DENND2B: variants seen among roughly 807,000 people sequenced by gnomAD.
DENND2B encodes the protein DENN domain containing 2B.
A neutral mutation model predicts 116.0 loss-of-function variants in DENND2B; 32 were observed. The ratio of observed to expected loss-of-function variants is 0.28; its 90% confidence interval spans 0.21 to 0.37. The LOEUF (loss-of-function observed/expected upper bound fraction) is 0.37. Ranked by LOEUF, DENND2B falls within the 10% of genes least tolerant of loss-of-function variation. DENND2B has a pLI of 1.00. For synonymous variants in DENND2B, 588 were observed against 583.9 expected (o/e 1.01, Z -0.10); for missense variants, 1,276 against 1,477.7 (o/e 0.86, Z 2.24).
chr11:8,808,552 C>G (rs543944161), intron 1 of DENND2B: 1 of 152,306 alleles, frequency 6.6e-6, no homozygotes, highest in South Asian at 2.1e-4. Context: ...GAAGTCTTTT[C>G]AGATTTTTCT....
intron 14 of DENND2B, among the ~76,000 whole-genome samples, chr11:8,700,584 G>A (rs1005190303): frequency 6.6e-6 from 1 of 152,130 alleles, no homozygotes; most frequent in African/African-American, 2.4e-5. Flanking sequence ...ACTTATTGGA[G>A]GACAAACCAG....
intron 1 of DENND2B, among the ~76,000 whole-genome samples, chr11:8,779,026 T>C (rs1283051429): frequency 6.6e-6 from 1 of 152,216 alleles, no homozygotes; most frequent in African/African-American, 2.4e-5. Context: ...CCACTTTGTT[T>C]TAGCTGAGAG....
intron 1 of DENND2B, among the ~76,000 whole-genome samples, chr11:8,804,129 A>G (rs1478585424): frequency 6.6e-6 from 1 of 152,234 alleles, no homozygotes. Flanking sequence ...CCTCAGACTC[A>G]GGACTTCTGG....
In DENND2B at chr11:8,715,613, C is replaced by T. The variant is rs768777009; in HGVS notation, c.1835G>A (p.Arg612His). The change falls in exon 6 of 20, where the codon CGC becomes CAC. Residue 612 changes from arginine to histidine, a missense_variant. Arg to His is a conservative substitution (Grantham distance 29). Coordinates refer to ENST00000313726, the MANE Select transcript of DENND2B (RefSeq NM_213618.2). The stretch of plus-strand genomic sequence containing the variant: ...CTCTGGGGAGGGTACCTTGGGAATG[C>T]GGCGGGCCCGGCGGCTGGACAGCAG... ...SELLSSRRAR[R>H]IPKLVQRINS... The T allele has an allele frequency of 1.9e-5, 31 of 1,609,628 alleles. No individual in the cohort carries two copies. The East Asian group carries it at 2.7e-4, about 14-fold the overall frequency.
rs1594044299 is a variant in DENND2B, at chr11:8,810,620, G to A, written c.-129C>T. The A allele has an allele frequency of 6.6e-6, 1 of 152,272 alleles. No homozygotes were observed. The highest frequency in any genetic ancestry group is 2.4e-5 in the African/African-American group (1 of 41,454). The allele number at this position is 152,272 out of a possible 1,614,324, so 9.4% of individuals were successfully genotyped here. ...TGGCTTAAGCTCCGATACCTGCTGCGAGCTTCCCACAGCTCCTTCCTCTGA... is the reference window on the plus strand; with the variant it reads ...TGGCTTAAGCTCCGATACCTGCTGCAAGCTTCCCACAGCTCCTTCCTCTGA... On this transcript the variant is annotated 5_prime_UTR_variant, in exon 1 of 20. Coordinates refer to ENST00000313726, the MANE Select transcript of DENND2B (RefSeq NM_213618.2).
At chr11:8,759,066 C>G (rs2054116587) in intron 1 of DENND2B, among the ~76,000 whole-genome samples, 1 of 152,176 alleles carries the variant, frequency 6.6e-6, no homozygotes, top group African/African-American at 2.4e-5. Context: ...ATCCTGAGTG[C>G]CCTTTCTCCC....
chr11:8,711,752 A>G (rs1056991499), intron 9 of DENND2B, among the ~76,000 whole-genome samples: 3 of 152,186 alleles, frequency 2.0e-5, no homozygotes, highest in Non-Finnish European at 2.9e-5. Context: ...CTGTAATCCC[A>G]GCTACTTGGG....
At chr11:8,896,424 C>G (rs2064102396) in intron 1 of DENND2B, among the ~76,000 whole-genome samples, 1 of 152,108 alleles carries the variant, frequency 6.6e-6, no homozygotes, top group Non-Finnish European at 1.5e-5. Context: ...TTGAAAACTG[C>G]TGGATCTGTC....
intron 2 of DENND2B, among the ~76,000 whole-genome samples, chr11:8,737,698 T>C (rs1385656849): frequency 2.0e-5 from 3 of 151,710 alleles, no homozygotes; most frequent in Non-Finnish European, 4.4e-5. Flanking sequence ...TCTCCTTCCT[T>C]CCTCCCTCCC....
chr11:8,785,506 T>A (rs2058819215), intron 1 of DENND2B: 1 of 152,252 alleles, frequency 6.6e-6, no homozygotes, highest in South Asian at 2.1e-4. Flanking sequence ...TCAGGAAGAA[T>A]CACTCCCTCC....
intron 4 of DENND2B, among the ~76,000 whole-genome samples, chr11:8,829,024 TGC>T (rs2062091667): frequency 6.7e-6 from 1 of 148,804 alleles, no homozygotes; most frequent in African/African-American, 2.5e-5. Flanking sequence ...GAGTGTGTTG[TGC>T]GTGTGTGTGT....
intron 3 of DENND2B, among the ~76,000 whole-genome samples, chr11:8,853,082 G>A (rs947464286): frequency 6.6e-6 from 1 of 152,152 alleles, no homozygotes; most frequent in African/African-American, 2.4e-5. Flanking sequence ...AAGAAGCTTC[G>A]GCCAGGCGCG....
intron 2 of DENND2B, among the ~76,000 whole-genome samples, chr11:8,880,736 C>A (rs1225669539): frequency 1.3e-5 from 2 of 152,130 alleles, no homozygotes; most frequent in African/African-American, 4.8e-5. Context: ...GGCTTCACTA[C>A]AAACCTCCTC....
At chr11:8,766,781 T>C in intron 1 of DENND2B, 1 of 844,022 alleles carries the variant, frequency 1.2e-6, no homozygotes, top group Non-Finnish European at 1.7e-6. Context: ...TTTGTCATTT[T>C]AGGTGGGGGT....
chr11:8,818,595 A>AC (rs1456936690), intron 4 of DENND2B, among the ~76,000 whole-genome samples: 1 of 151,448 alleles, frequency 6.6e-6, no homozygotes, highest in Non-Finnish European at 1.5e-5. Context: ...CTCTAGCCCT[A>AC]CCCCCCAGTA....
chr11:8,865,848 T>C (rs1361834976), intron 2 of DENND2B, among the ~76,000 whole-genome samples: 4 of 150,336 alleles, frequency 2.7e-5, no homozygotes, highest in Non-Finnish European at 5.9e-5. Context: ...AGATTACATC[T>C]GAGTATCAAA....
At chr11:8,883,537 G>A (rs2063925552) in intron 1 of DENND2B, among the ~76,000 whole-genome samples, 1 of 152,074 alleles carries the variant, frequency 6.6e-6, no homozygotes. Flanking sequence ...TTGAACTGAT[G>A]CTATGTTAAG....
intron 1 of DENND2B, chr11:8,809,952 C>A (rs1337262381): frequency 6.6e-6 from 1 of 151,140 alleles, no homozygotes; most frequent in Non-Finnish European, 1.5e-5. Context: ...GAGTGCAAAA[C>A]CCCAGCTCAG....
At chr11:8,703,029 TAGGG>T (rs2041998557) in intron 13 of DENND2B, 1 of 330,560 alleles carries the variant, frequency 3.0e-6, no homozygotes, top group Non-Finnish European at 5.7e-6. Flanking sequence ...CTCTTAGAGA[TAGGG>T]AGAAGAAGGG....
Sources: allele counts gnomAD v4.1 joint callset (sites outside exome capture counted in the v4.1 genomes callset), GRCh38; gene constraint gnomAD v4.1.1; transcripts MANE v1.5; gene names NCBI Gene and HGNC (gene_info 2026-07-23, HGNC 2026-07-21).